TAFA5: variants seen among roughly 807,000 people sequenced by gnomAD.
TAFA5 encodes TAFA chemokine like family member 5, also known as chemokine-like protein TAFA-5.
TAFA5 carries 6 observed loss-of-function variants against 15.3 expected under a neutral mutation model. The observed-to-expected ratio is 0.39, with a 90% CI of 0.21 to 0.77. The LOEUF (loss-of-function observed/expected upper bound fraction) is 0.77, where lower values mean the gene tolerates loss of function less well. Ranked by LOEUF, TAFA5 falls within the 30% of genes least tolerant of loss-of-function variation. The pLI, the probability that TAFA5 is intolerant of heterozygous loss-of-function variation, is 0.41. For synonymous variants in TAFA5, 103 were observed against 80.7 expected (o/e 1.28, Z -1.48); for missense variants, 161 against 193.1 (o/e 0.83, Z 0.98).
chr22:48,631,208 G>A (rs2147189383), intron 1 of TAFA5, among the ~76,000 whole-genome samples: 1 of 152,266 alleles, frequency 6.6e-6, no homozygotes, highest in African/African-American at 2.4e-5. Flanking sequence ...TGTGCTCCGG[G>A]GTCTTGGCCC....
Position 48,570,218 on chromosome 22 carries a change from C to A in TAFA5, c.113-76379C>A, listed in dbSNP as rs1601585371. ...TGTTAGAGGCACAGGTATGATCATG[C>A]CCGCTGAAAACATGGCTGAGGCTGC... is the stretch of plus-strand genomic sequence containing the variant. On this transcript the variant is annotated intron_variant, in intron 1 of 3. Transcript: ENST00000402357. Among the ~76,000 whole-genome samples the A allele has an allele frequency of 2.6e-5, 4 of 152,350 alleles. No individual in the cohort carries two copies. The South Asian group carries it at 8.3e-4, about 32-fold the overall frequency.
chr22:48,749,377 C>T (rs559715310), intron 3 of TAFA5, among the ~76,000 whole-genome samples: 31 of 152,280 alleles, frequency 2.0e-4, no homozygotes, highest in East Asian at 5.8e-4. Flanking sequence ...AGGGTGGCTC[C>T]GTGGTGGGGG....
chr22:48,556,656 G>A (rs1039824112), intron 1 of TAFA5, among the ~76,000 whole-genome samples: 1 of 152,206 alleles, frequency 6.6e-6, no homozygotes, highest in African/African-American at 2.4e-5. Flanking sequence ...CAGGTGTGGC[G>A]GGGCAGTGAC....
intron 1 of TAFA5, among the ~76,000 whole-genome samples, chr22:48,608,095 A>AGGCTGCCAGCCCCTCCCACAGTCCCG (rs1925263913): frequency 1.0e-4 from 12 of 117,136 alleles, no homozygotes; most frequent in African/African-American, 4.1e-4. Context: ...CCACGGCCCC[A>AGGCTGCCAGCCCCTCCCACAGTCCCG]GGCTGCCAGC....
intron 1 of TAFA5, among the ~76,000 whole-genome samples, chr22:48,495,279 G>C (rs1199346707): frequency 6.6e-6 from 1 of 152,182 alleles, no homozygotes; most frequent in Non-Finnish European, 1.5e-5. Flanking sequence ...ATTAGTCTTG[G>C]GTGAGCTCTA....
At chr22:48,498,285 C>G (rs11090846) in intron 1 of TAFA5, among the ~76,000 whole-genome samples, 40,921 of 135,866 alleles carry the variant, frequency 0.3, 5,598 homozygotes, top group Non-Finnish European at 0.39. Context: ...CACCTGGAGG[C>G]GGGGCTGAAG....
rs376040824 is a variant in TAFA5 at position 48,741,544 on chromosome 22, C to T, written c.391-8295C>T. Among the ~76,000 whole-genome samples, 61 of 152,326 alleles carry T rather than the reference C, an allele frequency of 4.0e-4. 2 individuals carry two copies. The East Asian group carries it at 9.6e-3, about 24-fold the overall frequency. ...ATACATTTAAGCACTGACCCCCAGTCTGAATGTATTTGGAGATAGGGCCTT... is the reference window on the plus strand; with the variant it reads ...ATACATTTAAGCACTGACCCCCAGTTTGAATGTATTTGGAGATAGGGCCTT... On this transcript the variant is annotated intron_variant, in intron 3 of 3. Coordinates refer to ENST00000402357, the MANE Select transcript of TAFA5 (RefSeq NM_001082967.3).
At chr22:48,679,675 T>TCTCCCCGTCCATCCCTCTCCCGG (rs1928111803) in intron 2 of TAFA5, among the ~76,000 whole-genome samples, 1 of 55,508 alleles carries the variant, frequency 1.8e-5, no homozygotes, top group Non-Finnish European at 3.2e-5. Context: ...CCCTCTCCCG[T>TCTCCCCGTCCATCCCTCTCCCGG]CTCCCCGTCC....
chr22:48,503,414 A>G (rs1169529655), intron 1 of TAFA5, among the ~76,000 whole-genome samples: 3 of 152,222 alleles, frequency 2.0e-5, no homozygotes, highest in Non-Finnish European at 2.9e-5. Flanking sequence ...GCCTTGCCAG[A>G]GCAGATGTGG....
chr22:48,491,884 G>A (rs1055017493), intron 1 of TAFA5, among the ~76,000 whole-genome samples: 1 of 152,164 alleles, frequency 6.6e-6, no homozygotes, highest in Non-Finnish European at 1.5e-5. Flanking sequence ...ACAGCCTTTC[G>A]CCAGGACAAG....
chr22:48,559,686 T>C (rs982311138), intron 1 of TAFA5, among the ~76,000 whole-genome samples: 2 of 151,124 alleles, frequency 1.3e-5, no homozygotes, highest in Admixed American at 1.3e-4. Context: ...GGCTGAGCCT[T>C]GAGGAGGAGG....
Position 48,682,090 on chromosome 22 carries a change from A to T in TAFA5, c.263-25627A>T, listed in dbSNP as rs132222. Among the ~76,000 whole-genome samples the T allele has an allele frequency of 2.0e-4, 11 of 56,390 alleles. 1 individual carries two copies. The highest frequency in any genetic ancestry group is 3.9e-4 in the African/African-American group (9 of 23,090). 37.0% of individuals were successfully genotyped at this position (56,390 alleles called of 152,430 possible). On this transcript the variant is annotated intron_variant, in intron 2 of 3. Coordinates refer to ENST00000402357, the MANE Select transcript of TAFA5 (RefSeq NM_001082967.3). ...ATTCGTGGAGCACAGTGGGTGTTTG[A>T]TGACAAATCACAACTTCTGCACCCC...
At chr22:48,576,732 C>T (rs1228381582) in intron 1 of TAFA5, among the ~76,000 whole-genome samples, 1 of 151,396 alleles carries the variant, frequency 6.6e-6, no homozygotes. Flanking sequence ...CGCGACCCTA[C>T]CAGGAGCCCG....
chr22:48,703,246 G>A (rs1928972595), intron 2 of TAFA5, among the ~76,000 whole-genome samples: 1 of 152,190 alleles, frequency 6.6e-6, no homozygotes, highest in Admixed American at 6.5e-5. Context: ...ACATGTGTGT[G>A]TGGTGTGTGG....
chr22:48,678,132 C>G (rs1569075505), intron 2 of TAFA5, among the ~76,000 whole-genome samples: 1 of 152,232 alleles, frequency 6.6e-6, no homozygotes, highest in Non-Finnish European at 1.5e-5. Context: ...CTCCCTCAAA[C>G]CTCTTTCCTG....
At chr22:48,630,435 G>C (rs991332505) in intron 1 of TAFA5, among the ~76,000 whole-genome samples, 14 of 152,200 alleles carry the variant, frequency 9.2e-5, no homozygotes, top group Admixed American at 2.6e-4. Context: ...TGGCTTTGGG[G>C]CGTGCGTGGC....
At position 48,566,852 on chromosome 22, in the gene TAFA5, G is replaced by C. The variant is rs966586225; in HGVS notation, c.112+77148G>C. 6.6e-6 allele frequency among the ~76,000 whole-genome samples: 1 copy of C among 152,232 alleles called. No individual in the cohort carries two copies. Among genetic ancestry groups the C allele is most frequent in the African/African-American group, 2.4e-5 (1 of 41,462 alleles). On this transcript the variant is annotated intron_variant, in intron 1 of 3. Transcript: ENST00000402357. This position sits in a 1 kb window ranked among gnomAD's most constrained non-coding sequence, Gnocchi z 4.5. ...TCCATGCAGCCCTTGTGGTTCTGCA[G>C]CTTTTTTGCCGTAGTTTGCTCACCA... is the stretch of plus-strand genomic sequence containing the variant.
At chr22:48,538,677 A>T (rs1254234567) in intron 1 of TAFA5, among the ~76,000 whole-genome samples, 3 of 152,128 alleles carry the variant, frequency 2.0e-5, no homozygotes. Flanking sequence ...ATTCTTGACT[A>T]GCTACTTCCC....
rs968090138 is a variant in TAFA5, at chr22:48,597,053, C to T, written c.113-49544C>T. 3.3e-5 allele frequency among the ~76,000 whole-genome samples: 5 copies of T among 152,240 alleles called. No homozygotes were observed. The East Asian group carries it at 5.8e-4, about 18-fold the overall frequency. On this transcript the variant is annotated intron_variant, in intron 1 of 3. Coordinates refer to ENST00000402357, the MANE Select transcript of TAFA5 (RefSeq NM_001082967.3). ...AACTCCTAGGCTCTGGCGATCCTCC[C>T]GTCTTGGCCTCCCCAAATGCTGGGA...
Sources: allele counts gnomAD v4.1 joint callset (sites outside exome capture counted in the v4.1 genomes callset), GRCh38; gene constraint gnomAD v4.1.1; non-coding constraint Gnocchi (gnomAD v3.1); transcripts MANE v1.5; gene names NCBI Gene and HGNC (gene_info 2026-07-23, HGNC 2026-07-21).